The following PTN variants were observed in gnomAD, a reference collection of about 807,000 sequenced individuals.
PTN encodes the protein heparin affin regulatory protein.
A neutral mutation model predicts 24.1 loss-of-function variants in PTN; 18 were observed. The observed-to-expected ratio is 0.75, with a 90% confidence interval of 0.52 to 1.11. The LOEUF (loss-of-function observed/expected upper bound fraction) is 1.11, where lower values mean the gene tolerates loss of function less well. PTN is among the 50% of genes least tolerant of loss of function. The pLI is 0.00. For synonymous variants in PTN, 78 were observed against 68.6 expected (o/e 1.14, Z -0.67); for missense variants, 163 against 198.8 (o/e 0.82, Z 1.08).
chr7:137,254,010 C>T (rs1479628359), intron 2 of PTN, among the ~76,000 whole-genome samples: 1 of 152,044 alleles, frequency 6.6e-6, no homozygotes, highest in Non-Finnish European at 1.5e-5. Context: ...TTAGAAATAA[C>T]AGTTGTCAGC....
At chr7:137,276,535 A>G (rs1233839131) in intron 1 of PTN, among the ~76,000 whole-genome samples, 1 of 152,190 alleles carries the variant, frequency 6.6e-6, no homozygotes, top group African/African-American at 2.4e-5. Flanking sequence ...TATGGGGCAC[A>G]TGTACGCAAG....
At chr7:137,299,085 C>G (rs1809764144) in intron 1 of PTN, among the ~76,000 whole-genome samples, 1 of 151,964 alleles carries the variant, frequency 6.6e-6, no homozygotes, top group Non-Finnish European at 1.5e-5. Flanking sequence ...TCTATGGACC[C>G]ATGCTACGTT....
chr7:137,315,361 A>T (rs1810055203), intron 1 of PTN, among the ~76,000 whole-genome samples: 1 of 152,152 alleles, frequency 6.6e-6, no homozygotes, highest in South Asian at 2.1e-4. Context: ...GAAAAAAAAA[A>T]AAAGTGCAAG....
At chr7:137,338,602 T>C (rs1810485131) in intron 1 of PTN, among the ~76,000 whole-genome samples, 1 of 152,204 alleles carries the variant, frequency 6.6e-6, no homozygotes, top group Non-Finnish European at 1.5e-5. Context: ...CTAACCTGTG[T>C]TGTAGTAATT....
At chr7:137,340,228 T>C (rs1810513214) in intron 1 of PTN, among the ~76,000 whole-genome samples, 1 of 152,222 alleles carries the variant, frequency 6.6e-6, no homozygotes, top group Admixed American at 6.5e-5. Context: ...GAATGTGATC[T>C]ACATAATTAA....
At chr7:137,239,264 C>G (rs1043549640) in intron 4 of PTN, among the ~76,000 whole-genome samples, 1 of 152,156 alleles carries the variant, frequency 6.6e-6, no homozygotes, top group Non-Finnish European at 1.5e-5. Flanking sequence ...ATGATGTAGC[C>G]TAGTGAGCTA....
intron 4 of PTN, among the ~76,000 whole-genome samples, chr7:137,233,582 C>T (rs1007299398): frequency 2.6e-5 from 4 of 151,604 alleles, no homozygotes; most frequent in Non-Finnish European, 5.9e-5. Flanking sequence ...GAGAGTCTTT[C>T]AAAATTGTAA....
chr7:137,236,265 C>G lies in PTN; in HGVS notation c.452-8190G>C, dbSNP rs896043085. 21 of 702,222 alleles carry G rather than the reference C, an allele frequency of 3.0e-5. No homozygotes were observed. The African/African-American group carries it at 3.7e-4, about 12-fold the overall frequency. 43.5% of individuals were successfully genotyped at this position (702,222 alleles called of 1,614,324 possible). On this transcript the variant is annotated intron_variant, in intron 4 of 4. Transcript: ENST00000348225. ...TCTCTATAAGAAGGAATTGAGATATCTATAGCTTCTCCAAATCATAAAGGG... is the reference window on the plus strand; with the variant it reads ...TCTCTATAAGAAGGAATTGAGATATGTATAGCTTCTCCAAATCATAAAGGG...
chr7:137,336,796 A>G (rs1268409971), intron 1 of PTN, among the ~76,000 whole-genome samples: 1 of 152,148 alleles, frequency 6.6e-6, no homozygotes, highest in Non-Finnish European at 1.5e-5. Context: ...CATCATTTTC[A>G]CCATCCTGCT....
At chr7:137,278,275 C>A (rs1809401439) in intron 1 of PTN, among the ~76,000 whole-genome samples, 1 of 131,820 alleles carries the variant, frequency 7.6e-6, no homozygotes, top group Admixed American at 8.1e-5. Context: ...CCACTGCACT[C>A]CAGCCTGGGC....
intron 1 of PTN, among the ~76,000 whole-genome samples, chr7:137,321,185 C>T (rs1481370279): frequency 6.6e-6 from 1 of 152,118 alleles, no homozygotes; most frequent in Non-Finnish European, 1.5e-5. Context: ...AAGCAAAGAC[C>T]CTGCATGTTC....
At position 137,255,970 on chromosome 7, in the gene PTN, A is replaced by T. The variant is rs559092459; in HGVS notation, c.-1-996T>A. On this transcript the variant is annotated intron_variant, in intron 1 of 4. Coordinates refer to ENST00000348225, the MANE Select transcript of PTN (RefSeq NM_002825.7). ...AATGTCCTATGATCATAGGCTGATAATTTTTTTTCCAGAGGTAGTACTAGA... is the reference window on the plus strand; with the variant it reads ...AATGTCCTATGATCATAGGCTGATATTTTTTTTTCCAGAGGTAGTACTAGA... 1.6e-4 allele frequency among the ~76,000 whole-genome samples: 24 copies of T among 152,088 alleles called. No homozygotes were observed. In the East Asian group the frequency reaches 4.4e-3, roughly 28 times the overall value.
At chr7:137,265,756 T>C (rs1809132403) in intron 1 of PTN, among the ~76,000 whole-genome samples, 4 of 152,148 alleles carry the variant, frequency 2.6e-5, no homozygotes, top group African/African-American at 7.3e-5. Context: ...GCATAACAAT[T>C]GCTTTTGTTT....
At chr7:137,258,723 A>G (rs1808979683) in intron 1 of PTN, among the ~76,000 whole-genome samples, 1 of 152,134 alleles carries the variant, frequency 6.6e-6, no homozygotes, top group Admixed American at 6.6e-5. Flanking sequence ...GGTAGATAAC[A>G]GTTGCCCTTG....
intron 1 of PTN, among the ~76,000 whole-genome samples, chr7:137,329,208 G>A (rs1463395822): frequency 6.6e-6 from 1 of 152,160 alleles, no homozygotes; most frequent in African/African-American, 2.4e-5. Context: ...TGTATAGAAA[G>A]CACTCAATAA....
At chr7:137,251,537 C>T (rs890806801) in intron 3 of PTN, 146 bp from the exon 4 acceptor site, 30 of 887,818 alleles carry the variant, frequency 3.4e-5, no homozygotes, top group Admixed American at 2.8e-4. Flanking sequence ...AGAGTGTATG[C>T]GTGTGTATTG....
intron 1 of PTN, among the ~76,000 whole-genome samples, chr7:137,278,486 T>C (rs61525640): frequency 0.095 from 14,417 of 152,070 alleles, 894 homozygotes; most frequent in South Asian, 0.26. Context: ...ACAGAAATAG[T>C]CATGAGAAAG....
intron 1 of PTN, among the ~76,000 whole-genome samples, chr7:137,308,379 T>C (rs1034164803): frequency 7.2e-5 from 11 of 152,168 alleles, no homozygotes; most frequent in Admixed American, 7.2e-4. Context: ...ATCCTACTAT[T>C]TAACATCACT....
At chr7:137,251,809 C>T (rs1037177590) in intron 3 of PTN, among the ~76,000 whole-genome samples, 1 of 151,808 alleles carries the variant, frequency 6.6e-6, no homozygotes, top group Non-Finnish European at 1.5e-5. Context: ...CTGAGATTGG[C>T]TTTTTTATTT....
Sources: gnomAD v4.1 joint callset for allele counts (sites outside exome capture counted in the v4.1 genomes callset) on GRCh38, gnomAD v4.1.1 for gene constraint, MANE v1.5 for transcripts, NCBI Gene and HGNC (gene_info 2026-07-23, HGNC 2026-07-21) for gene names.